STXBP5L: variants seen among roughly 807,000 people sequenced by gnomAD.
STXBP5L encodes the protein syntaxin binding protein 5L.
A neutral mutation model predicts 144.5 loss-of-function variants in STXBP5L; 65 were observed. The ratio of observed to expected loss-of-function variants is 0.45; its 90% CI spans 0.37 to 0.55. The LOEUF is 0.55. Among genes scored for constraint, STXBP5L ranks in the 20% least tolerant of loss-of-function variants. The pLI is 0.00. For synonymous variants in STXBP5L, 505 were observed against 469.6 expected, an observed-to-expected ratio of 1.08 and a Z score of -0.97; for missense variants, 1,298 against 1,405.5, an observed-to-expected ratio of 0.92 and a Z score of 1.22.
intron 18 of STXBP5L, among the ~76,000 whole-genome samples, chr3:121,266,110 C>T (rs2050556135): frequency 1.3e-5 from 2 of 152,148 alleles, no homozygotes; most frequent in African/African-American, 2.4e-5. Context: ...AAGAGGGATT[C>T]CTCCTTAACT....
chr3:120,965,320 T>C (rs964452142), intron 3 of STXBP5L, among the ~76,000 whole-genome samples: 6 of 152,196 alleles, frequency 3.9e-5, no homozygotes, highest in Non-Finnish European at 5.9e-5. Flanking sequence ...GATTCTGTCA[T>C]GATGTTCACT....
At chr3:121,121,764 T>C (rs2044477304) in intron 7 of STXBP5L, 60 bp downstream of exon 7, 3 of 1,285,952 alleles carry the variant, frequency 2.3e-6, no homozygotes, top group Non-Finnish European at 3.3e-6. Flanking sequence ...AAAAAGGTGT[T>C]TCTTACTATT....
At chr3:121,308,774 AAG>A (rs1158480102) in intron 19 of STXBP5L, among the ~76,000 whole-genome samples, 2 of 152,124 alleles carry the variant, frequency 1.3e-5, no homozygotes, top group African/African-American at 4.8e-5. Context: ...GCTTTTATAA[AAG>A]AAATAAAATT....
rs1688675 is a variant in STXBP5L at position 121,036,330 on chromosome 3, T to G, written c.288-5370T>G. On this transcript the variant is annotated intron_variant, in intron 3 of 26. Coordinates refer to ENST00000471454, the MANE Select transcript of STXBP5L (RefSeq NM_001308330.2). ...CCTGGGCAACACGAGTGAGACTCCA[T>G]CTTAAAAAAAATTGATTTTGCATTC... Among the ~76,000 whole-genome samples the G allele has an allele frequency of 1.4e-4, 21 of 152,078 alleles. No individual in the cohort carries two copies. The East Asian group carries it at 2.1e-3, about 15-fold the overall frequency.
At chr3:121,106,926 G>A (rs2043740620) in intron 5 of STXBP5L, among the ~76,000 whole-genome samples, 1 of 152,040 alleles carries the variant, frequency 6.6e-6, no homozygotes, top group South Asian at 2.1e-4. Flanking sequence ...ACTTTTTAAT[G>A]ATCACCATTC....
chr3:121,195,862 G>T (rs2047898636), intron 9 of STXBP5L, among the ~76,000 whole-genome samples: 1 of 152,140 alleles, frequency 6.6e-6, no homozygotes, highest in Non-Finnish European at 1.5e-5. Flanking sequence ...TCCAAGCCCT[G>T]GCCCTGCCCC....
At chr3:121,131,779 A>G (rs2045002429) in intron 7 of STXBP5L, among the ~76,000 whole-genome samples, 1 of 152,232 alleles carries the variant, frequency 6.6e-6, no homozygotes, top group South Asian at 2.1e-4. Context: ...AAAGTGGCAG[A>G]ATAGGAAGCC....
chr3:121,307,168 A>G (rs1361327568), intron 19 of STXBP5L, among the ~76,000 whole-genome samples: 1 of 152,214 alleles, frequency 6.6e-6, no homozygotes, highest in Non-Finnish European at 1.5e-5. Flanking sequence ...GCAAACAGCA[A>G]AAACTGGAGA....
intron 3 of STXBP5L, among the ~76,000 whole-genome samples, chr3:121,038,515 A>G (rs937895337): frequency 6.6e-6 from 1 of 151,806 alleles, no homozygotes; most frequent in Non-Finnish European, 1.5e-5. Context: ...TATAGTTCGA[A>G]ATATTTTATC....
At chr3:120,952,531 A>T (rs1711334023) in intron 2 of STXBP5L, among the ~76,000 whole-genome samples, 1 of 151,934 alleles carries the variant, frequency 6.6e-6, no homozygotes, top group Non-Finnish European at 1.5e-5. Flanking sequence ...TTCACTTTTA[A>T]GTCCTCATAA....
intron 5 of STXBP5L, among the ~76,000 whole-genome samples, chr3:121,104,860 G>T (rs775001994): frequency 3.3e-5 from 5 of 151,552 alleles, no homozygotes; most frequent in Non-Finnish European, 5.9e-5. Context: ...ACCAAGATGC[G>T]ACAAAAAGAA....
At chr3:120,917,892 C>A (rs532637737) in intron 2 of STXBP5L, among the ~76,000 whole-genome samples, 1 of 152,142 alleles carries the variant, frequency 6.6e-6, no homozygotes. Flanking sequence ...GCTTCAATTA[C>A]CAAAAACTTA....
chr3:121,160,397 AAAAAATTAAAAATAC>A (rs1044089673), intron 9 of STXBP5L, among the ~76,000 whole-genome samples: 1 of 152,216 alleles, frequency 6.6e-6, no homozygotes, highest in African/African-American at 2.4e-5. Context: ...GTTCTGAGAA[AAAAAATTAAAAATAC>A]AAAAATTTAA....
intron 20 of STXBP5L, among the ~76,000 whole-genome samples, chr3:121,362,179 G>A (rs2045730924): frequency 6.6e-6 from 1 of 152,172 alleles, no homozygotes; most frequent in African/African-American, 2.4e-5. Context: ...ACCTTAAGCT[G>A]GGGGTGAAGT....
Position 121,423,861 on chromosome 3 carries a change from A to G in STXBP5L, c.*4764A>G, listed in dbSNP as rs2047405119. The stretch of plus-strand genomic sequence containing the variant: ...TCTGTATGTCTCACAGAACAAAAGC[A>G]TTTGAGAATTTCTGACCAGGCAGTG... On this transcript the variant is annotated 3_prime_UTR_variant, in exon 27 of 27. Coordinates refer to ENST00000471454, the MANE Select transcript of STXBP5L (RefSeq NM_001308330.2). 1 of 152,248 alleles carries G rather than the reference A, an allele frequency of 6.6e-6. No homozygotes were observed. The highest frequency in any genetic ancestry group is 1.5e-5 in the Non-Finnish European group (1 of 68,044). 9.4% of individuals were successfully genotyped at this position (152,248 alleles called of 1,614,324 possible).
rs2044276687 is a variant in STXBP5L, at chr3:121,330,130, A to G, written c.2176+11590A>G. On this transcript the variant is annotated intron_variant, in intron 20 of 26. Coordinates refer to ENST00000471454, the MANE Select transcript of STXBP5L (RefSeq NM_001308330.2). ...GGCAGACTGGGAGGGGCATGGCCTG[A>G]AAGCCACAGTTTCTATCTCAACAGG... Among the ~76,000 whole-genome samples the G allele has an allele frequency of 2.0e-5, 3 of 152,336 alleles. No homozygotes were observed. In the South Asian group the frequency reaches 6.2e-4, roughly 32 times the overall value.
intron 19 of STXBP5L, among the ~76,000 whole-genome samples, chr3:121,311,301 A>G (rs1270205701): frequency 6.6e-6 from 1 of 152,232 alleles, no homozygotes; most frequent in African/African-American, 2.4e-5. Context: ...TCATTACCAT[A>G]GTGGAAAGAC....
intron 9 of STXBP5L, among the ~76,000 whole-genome samples, chr3:121,176,635 T>C (rs1043249589): frequency 6.6e-6 from 1 of 150,788 alleles, no homozygotes; most frequent in African/African-American, 2.4e-5. Context: ...TTAGGAAATA[T>C]GAAATAAAAA....
chr3:121,080,086 G>A (rs1175433869), intron 5 of STXBP5L, among the ~76,000 whole-genome samples: 3 of 151,880 alleles, frequency 2.0e-5, no homozygotes, highest in Non-Finnish European at 4.4e-5. Context: ...GTCCTTCTTT[G>A]TCTTTTTTTT....
Sources: allele counts gnomAD v4.1 joint callset (sites outside exome capture counted in the v4.1 genomes callset), GRCh38; gene constraint gnomAD v4.1.1; transcripts MANE v1.5; gene names NCBI Gene and HGNC (gene_info 2026-07-23, HGNC 2026-07-21).